Variants in UNC13A observed in about 807,000 individuals in gnomAD.
UNC13A encodes the protein protein unc-13 homolog A.
A neutral mutation model predicts 219.7 loss-of-function variants in UNC13A; 61 were observed. The observed-to-expected ratio is 0.28, with a 90% CI of 0.23 to 0.34. The LOEUF is 0.34. Among genes scored for constraint, UNC13A ranks in the 10% least tolerant of loss-of-function variants. UNC13A has a pLI of 1.00. For synonymous variants in UNC13A, 920 were observed against 884.6 expected (o/e 1.04, Z -0.71); for missense variants, 1,476 against 2,270.3 (o/e 0.65, Z 7.11).
rs75154495 is a variant in UNC13A, at chr19:17,663,510, A to G, written c.559+22T>C. Reference sequence around the variant, plus strand: ...CACCTTCCCATGTAACTCCCAGAACATCAATCAGGCTGAGTACTTACTGTG... The same window carrying G: ...CACCTTCCCATGTAACTCCCAGAACGTCAATCAGGCTGAGTACTTACTGTG... On this transcript the variant is annotated intron_variant, in intron 8 of 43. Coordinates refer to ENST00000519716, the MANE Select transcript of UNC13A (RefSeq NM_001080421.3). 1,910 of 1,612,344 alleles carry G rather than the reference A, an allele frequency of 1.2e-3. 18 individuals carry two copies. In the African/African-American group the frequency reaches 0.018, roughly 15 times the overall value.
chr19:17,606,060 CGCA>C lies in UNC13A; in HGVS notation c.5103_5105del (p.Ala1702del), dbSNP rs1182107757. 1 of 1,561,790 alleles carries C rather than the reference CGCA, an allele frequency of 6.4e-7. No homozygotes were observed. Among genetic ancestry groups the C allele is most frequent in the Non-Finnish European group, 8.6e-7 (1 of 1,158,586 alleles). On this transcript the variant is annotated inframe_deletion, in exon 44 of 44. Coordinates refer to ENST00000519716, the MANE Select transcript of UNC13A (RefSeq NM_001080421.3). The stretch of plus-strand genomic sequence containing the variant: ...GCTCGGCCGACCGCCCGCGCTAAGG[CGCA>C]GGCGCGGCACCGCCCTCCTCGGCGG...
chr19:17,653,408 C>T (rs902239749), intron 11 of UNC13A, among the ~76,000 whole-genome samples: 25 of 151,898 alleles, frequency 1.6e-4, no homozygotes, highest in East Asian at 3.9e-4. Context: ...AGTGCAGTGG[C>T]GCAATCTCAG....
At chr19:17,628,369 G>A (rs911931140) in intron 31 of UNC13A, 3 of 204,840 alleles carry the variant, frequency 1.5e-5, no homozygotes, top group East Asian at 2.6e-4. Flanking sequence ...CACACACTCA[G>A]ACATGCACAG....
intron 41 of UNC13A, chr19:17,616,386 G>A: frequency 1.4e-6 from 1 of 692,358 alleles, no homozygotes; most frequent in Non-Finnish European, 2.6e-6. Flanking sequence ...GCGGGCGGCG[G>A]GCGGGAGGCG....
intron 11 of UNC13A, among the ~76,000 whole-genome samples, chr19:17,653,928 G>A (rs529319749): frequency 2.4e-4 from 34 of 142,678 alleles, no homozygotes; most frequent in South Asian, 2.1e-3. Context: ...CCGGGTTCAC[G>A]CCATTCTCCT....
intron 1 of UNC13A, among the ~76,000 whole-genome samples, chr19:17,685,529 T>C (rs1328686345): frequency 2.0e-5 from 3 of 152,094 alleles, no homozygotes; most frequent in Non-Finnish European, 4.4e-5. Flanking sequence ...GTGACATGTA[T>C]ATTGTGAGCA....
At chr19:17,643,921 G>A (rs1301946849) in intron 19 of UNC13A, among the ~76,000 whole-genome samples, 1 of 151,940 alleles carries the variant, frequency 6.6e-6, no homozygotes, top group Admixed American at 6.6e-5. Context: ...CTCAGACTAG[G>A]ACCCCCTGGT....
At position 17,656,528 on chromosome 19, in the gene UNC13A, A is replaced by G. The variant is rs2079457986; in HGVS notation, c.768-130T>C. Reference sequence around the variant, plus strand: ...TGCCAGGTCCTGCTCTAGGGGCTGGAAAACACAGCCATGATCAGAAAAGAC... The same window carrying G: ...TGCCAGGTCCTGCTCTAGGGGCTGGGAAACACAGCCATGATCAGAAAAGAC... On this transcript the variant is annotated intron_variant, in intron 9 of 43. Transcript: ENST00000519716. The G allele has an allele frequency of 6.0e-6, 6 of 997,276 alleles. No homozygotes were observed. In the South Asian group the frequency reaches 1.1e-4, roughly 18 times the overall value. The allele number at this position is 997,276 out of a possible 1,614,324, so 61.8% of individuals were successfully genotyped here.
In UNC13A at chr19:17,676,006, A is replaced by G. The variant is rs1248713532; in HGVS notation, c.52+6T>C. The G allele has an allele frequency of 6.4e-7, 1 of 1,551,500 alleles. No homozygotes were observed. The highest frequency in any genetic ancestry group is 1.2e-5 in the South Asian group (1 of 84,052). On this transcript the variant is annotated splice_donor_region_variant and intron_variant, in intron 2 of 43. Coordinates refer to ENST00000519716, the MANE Select transcript of UNC13A (RefSeq NM_001080421.3). ...ACGGGACAGGACAGCAAGAGAAGCC[A>G]CTTACCTTGGGCACCATCAAACTTG...
At chr19:17,624,721 G>A in intron 35 of UNC13A, 108 bp downstream of exon 35, 1 of 1,439,098 alleles carries the variant, frequency 6.9e-7, no homozygotes, top group East Asian at 2.5e-5. Context: ...TGACCTCTCT[G>A]AGACCGGATG....
intron 1 of UNC13A, 42 bp downstream of exon 1, chr19:17,688,136 C>T: frequency 6.6e-7 from 1 of 1,525,028 alleles, no homozygotes; most frequent in Non-Finnish European, 8.8e-7. Context: ...GACCCCAGCC[C>T]GCGTCCACAC....
chr19:17,616,375 C>CGCGG, intron 41 of UNC13A: 2 of 675,878 alleles, frequency 3.0e-6, no homozygotes, highest in South Asian at 1.5e-5. Flanking sequence ...GGGCACCAGG[C>CGCGG]GCGGGCGGCG....
intron 20 of UNC13A, among the ~76,000 whole-genome samples, chr19:17,642,057 T>TCCATCCATCCATCC (rs1181007831): frequency 7.2e-5 from 5 of 69,352 alleles, no homozygotes; most frequent in Non-Finnish European, 1.3e-4. Flanking sequence ...TCCATCCATC[T>TCCATCCATCCATCC]ACCTATCTAC....
At chr19:17,621,782 A>G in intron 37 of UNC13A, 50 bp downstream of exon 37, 8 of 1,605,624 alleles carry the variant, frequency 5.0e-6, no homozygotes, top group Non-Finnish European at 6.0e-6. Flanking sequence ...ATGCACACAC[A>G]TGCCCAGACA....
At chr19:17,611,649 T>TA in intron 42 of UNC13A, 114 bp downstream of exon 42, 1 of 962,980 alleles carries the variant, frequency 1.0e-6, no homozygotes, top group Non-Finnish European at 1.6e-6. Context: ...TTTGGACGTT[T>TA]CCGTTTCATG....
intron 1 of UNC13A, among the ~76,000 whole-genome samples, chr19:17,687,043 T>G (rs1410336074): frequency 1.3e-5 from 2 of 151,822 alleles, no homozygotes; most frequent in African/African-American, 2.4e-5. Context: ...GAACCAGGGG[T>G]TCAGAGCTCT....
intron 43 of UNC13A, 22 bp downstream of exon 43, chr19:17,609,918 C>T (rs1041833160): frequency 1.9e-6 from 3 of 1,612,702 alleles, no homozygotes; most frequent in Non-Finnish European, 2.5e-6. Flanking sequence ...CCCCCATGCT[C>T]TTCAAAGCAT....
At chr19:17,630,884 G>GTGGC (rs1478874669) in intron 28 of UNC13A, 134 bp from the exon 29 acceptor site, 1 of 732,956 alleles carries the variant, frequency 1.4e-6, no homozygotes, top group Non-Finnish European at 2.2e-6. Context: ...GCAGCCTTGA[G>GTGGC]TGGCTGCTCC....
chr19:17,624,061 T>C (rs1170060903), intron 35 of UNC13A, among the ~76,000 whole-genome samples: 1 of 151,870 alleles, frequency 6.6e-6, no homozygotes, highest in African/African-American at 2.4e-5. Context: ...GTGTCTCCCC[T>C]CTTTGGCTTT....
Sources: allele counts gnomAD v4.1 joint callset (sites outside exome capture counted in the v4.1 genomes callset), GRCh38; gene constraint gnomAD v4.1.1; transcripts MANE v1.5; gene names NCBI Gene and HGNC (gene_info 2026-07-23, HGNC 2026-07-21).